ZFHX3: variants seen among roughly 807,000 people sequenced by gnomAD.
ZFHX3 encodes zinc finger homeobox protein 3.
ZFHX3 carries 42 observed loss-of-function variants against 279.1 expected under a neutral mutation model. That is an observed-to-expected ratio of 0.15 (90% confidence interval 0.12 to 0.19). The LOEUF is 0.19. Among genes scored for constraint, ZFHX3 ranks in the 10% least tolerant of loss-of-function variants. The probability of loss-of-function intolerance (pLI) is 1.00; values close to 1 mark genes in which losing one functional copy is unlikely to be tolerated. For missense variants in ZFHX3, 4,981 were observed against 4,754.0 expected (o/e 1.05, Z -1.40); for synonymous variants, 2,293 against 1,957.8 (o/e 1.17, Z -4.52).
rs555417639 is a variant in ZFHX3 at position 73,112,620 on chromosome 16, G to T, written c.-897+18348C>A. Among the ~76,000 whole-genome samples, 3 of 146,904 alleles carry T rather than the reference G, an allele frequency of 2.0e-5. No individual in the cohort carries two copies. The East Asian group carries it at 6.1e-4, about 30-fold the overall frequency. Reference sequence around the variant, plus strand: ...CCCAGCTACTCGGGAGGCTACTGAGGCAGGAGAATCTCTTGAACCCGGGAG... The same window carrying T: ...CCCAGCTACTCGGGAGGCTACTGAGTCAGGAGAATCTCTTGAACCCGGGAG... On this transcript the variant is annotated intron_variant, in intron 7 of 17. Coordinates refer to the ZFHX3 transcript ENST00000641206.
intron 2 of ZFHX3, among the ~76,000 whole-genome samples, chr16:73,509,162 A>G (rs1176339275): frequency 6.6e-6 from 1 of 152,170 alleles, no homozygotes; most frequent in South Asian, 2.1e-4. Flanking sequence ...AACGGTGACT[A>G]CTGGAATGGA....
rs71156152 is a variant in ZFHX3, at chr16:73,284,316, CAAAA to C, written c.-1193-27184_-1193-27181del. 5.6e-3 allele frequency among the ~76,000 whole-genome samples: 470 copies of C among 83,300 alleles called. 2 individuals carry two copies. Among genetic ancestry groups the C allele is most frequent in the South Asian group, 0.017 (40 of 2,286 alleles). 54.6% of individuals were successfully genotyped at this position (83,300 alleles called of 152,430 possible). ...TGGGCAACAGAGTGAGACTCTGTCT[CAAAA>C]AAAAAAAAAAAAAAAAAAAGAAGGA... On this transcript the variant is annotated intron_variant, in intron 4 of 17. Coordinates refer to the ZFHX3 transcript ENST00000641206.
In ZFHX3 at chr16:73,403,385, G is replaced by A. The variant is rs189990073; in HGVS notation, c.-1291+52618C>T. Reference sequence around the variant, plus strand: ...ACCATATCCTGTCATTTCCAACCTGGATGCATCAACATTAGCCCGCTTTGC... The same window carrying A: ...ACCATATCCTGTCATTTCCAACCTGAATGCATCAACATTAGCCCGCTTTGC... On this transcript the variant is annotated intron_variant, in intron 3 of 17. Coordinates refer to the ZFHX3 transcript ENST00000641206. Among the ~76,000 whole-genome samples the A allele has an allele frequency of 1.9e-4, 29 of 152,248 alleles. 1 individual carries two copies. In the South Asian group the frequency reaches 3.7e-3, roughly 20 times the overall value.
intron 4 of ZFHX3, among the ~76,000 whole-genome samples, chr16:72,881,116 G>T (rs117272839): frequency 0.017 from 2,656 of 152,324 alleles, 30 homozygotes; most frequent in Middle Eastern, 0.031. Flanking sequence ...AACCCAGTGA[G>T]GAGGAGCTGA....
In ZFHX3 at chr16:73,748,269, A is replaced by G. The variant is rs7194427; in HGVS notation, c.-1607-68029T>C. ...GTCCAAACTAAAAAACCCAAAAACT[A>G]ACTACATGTCATACAAAAGAAAAAC... On this transcript the variant is annotated intron_variant, in intron 1 of 17. Coordinates refer to the ZFHX3 transcript ENST00000641206. 9.3e-3 allele frequency among the ~76,000 whole-genome samples: 1,422 copies of G among 152,298 alleles called. 28 individuals are homozygous for G. Among genetic ancestry groups the G allele is most frequent in the African/African-American group, 0.032 (1,323 of 41,568 alleles).
rs1156523996 is a variant in ZFHX3 at position 73,170,223 on chromosome 16, G to GTTTTTT, written c.-1103-26398_-1103-26393dup. ...TTTTTGAAGCATCTTCCTTTCACTA[G>GTTTTTT]TTTTTTTTTTTTTTTTTTTTTTTTT... On this transcript the variant is annotated intron_variant, in intron 5 of 17. Transcript: ENST00000641206. Among the ~76,000 whole-genome samples the GTTTTTT allele has an allele frequency of 3.4e-3, 197 of 57,752 alleles. 23 individuals are homozygous for GTTTTTT. The highest frequency in any genetic ancestry group is 5.9e-3 in the East Asian group (12 of 2,038). The allele number at this position is 57,752 out of a possible 152,430, so 37.9% of individuals were successfully genotyped here. A position where few individuals can be genotyped will look rare whatever the true frequency, so the allele number is the denominator to read the frequency against.
In ZFHX3 at chr16:73,850,025, G is replaced by T. The variant is rs567237202; in HGVS notation, c.-1608+41626C>A. ...TGGGATTACAGGCGTGAGCCACCGC[G>T]CCTGGCCAGCATTTATTTTTAAAAG... is the stretch of plus-strand genomic sequence containing the variant. On this transcript the variant is annotated intron_variant, in intron 1 of 17. Coordinates refer to the ZFHX3 transcript ENST00000641206. 2.8e-4 allele frequency among the ~76,000 whole-genome samples: 42 copies of T among 152,222 alleles called. No individual in the cohort carries two copies. In the South Asian group the frequency reaches 8.5e-3, roughly 31 times the overall value.
At chr16:73,510,200 C>G (rs753476300) in intron 2 of ZFHX3, among the ~76,000 whole-genome samples, 6 of 152,294 alleles carry the variant, frequency 3.9e-5, no homozygotes, top group East Asian at 1.9e-4. Flanking sequence ...TTACACCACT[C>G]TCTTCTAATT....
At chr16:73,309,377 G>T (rs2015270008) in intron 4 of ZFHX3, among the ~76,000 whole-genome samples, 1 of 152,130 alleles carries the variant, frequency 6.6e-6, no homozygotes, top group Non-Finnish European at 1.5e-5. Context: ...ATGGCCTCTA[G>T]CTCCATTGAT....
chr16:73,078,098 C>G (rs1009992340), intron 8 of ZFHX3, among the ~76,000 whole-genome samples: 2 of 152,202 alleles, frequency 1.3e-5, no homozygotes, highest in Non-Finnish European at 2.9e-5. Flanking sequence ...AGCCACTGTG[C>G]CTGGCCAAAG....
chr16:73,662,977 C>G (rs2052800937), intron 2 of ZFHX3, among the ~76,000 whole-genome samples: 1 of 152,124 alleles, frequency 6.6e-6, no homozygotes. Context: ...TTCTTCAAAG[C>G]TGAACCTACT....
intron 2 of ZFHX3, among the ~76,000 whole-genome samples, chr16:73,626,445 T>C (rs1298328250): frequency 1.3e-5 from 2 of 152,156 alleles, no homozygotes; most frequent in Admixed American, 6.5e-5. Context: ...CTCATCGATA[T>C]TGGAATATAT....
intron 4 of ZFHX3, among the ~76,000 whole-genome samples, chr16:72,856,411 C>T (rs1278919053): frequency 3.9e-5 from 6 of 152,180 alleles, no homozygotes; most frequent in Non-Finnish European, 7.3e-5. Flanking sequence ...TGAAGAGCTG[C>T]GTCTCTATCA....
chr16:73,294,469 T>C (rs2014853328), intron 4 of ZFHX3, among the ~76,000 whole-genome samples: 1 of 152,252 alleles, frequency 6.6e-6, no homozygotes, highest in South Asian at 2.1e-4. Context: ...GTGCTTATTT[T>C]GGAGACAGTA....
At chr16:72,931,459 T>C (rs1215150120) in intron 3 of ZFHX3, among the ~76,000 whole-genome samples, 3 of 126,918 alleles carry the variant, frequency 2.4e-5, no homozygotes, top group Non-Finnish European at 5.5e-5. Flanking sequence ...ACACACACTC[T>C]TCAGCTTTCA....
intron 5 of ZFHX3, among the ~76,000 whole-genome samples, chr16:72,824,467 A>G (rs80101322): frequency 0.033 from 5,063 of 152,296 alleles, 609 homozygotes; most frequent in East Asian, 0.28. Flanking sequence ...TTCTAACTCA[A>G]AAATTTACAA....
At chr16:73,293,986 C>CAAAAAAAAAAAAA (rs56783722) in intron 4 of ZFHX3, 1 of 41,750 alleles carries the variant, frequency 2.4e-5, no homozygotes, top group African/African-American at 8.7e-5. Context: ...GTCAATATGC[C>CAAAAAAAAAAAAA]AAAAAAAAAA....
At chr16:73,340,213 A>G (rs1028670628) in intron 3 of ZFHX3, among the ~76,000 whole-genome samples, 1 of 152,196 alleles carries the variant, frequency 6.6e-6, no homozygotes, top group Non-Finnish European at 1.5e-5. Context: ...ACTTGCTCAT[A>G]AGAGTTAAAG....
At chr16:73,699,283 C>A (rs974725313) in intron 1 of ZFHX3, among the ~76,000 whole-genome samples, 1 of 152,094 alleles carries the variant, frequency 6.6e-6, no homozygotes, top group Non-Finnish European at 1.5e-5. Flanking sequence ...TGCTACGTTA[C>A]AACTTTTCTC....
Sources: allele counts gnomAD v4.1 joint callset (sites outside exome capture counted in the v4.1 genomes callset), GRCh38; gene constraint gnomAD v4.1.1; transcripts MANE v1.5; gene names NCBI Gene and HGNC (gene_info 2026-07-23, HGNC 2026-07-21).